CFAP54: variants seen among roughly 807,000 people sequenced by gnomAD.
CFAP54 encodes cilia- and flagella-associated protein 54.
CFAP54 carries 290 observed loss-of-function variants against 370.4 expected under a neutral mutation model. That is an observed-to-expected ratio of 0.78 (90% CI 0.71 to 0.86). CFAP54 has a LOEUF of 0.86. Ranked by LOEUF, CFAP54 falls within the 40% of genes least tolerant of loss-of-function variation. CFAP54 has a pLI of 0.00. For synonymous variants in CFAP54, 1,206 were observed against 1,236.5 expected (o/e 0.98, Z 0.52); for missense variants, 3,399 against 3,528.7 (o/e 0.96, Z 0.93).
chr12:96,827,007 T>TTATAATATGAAATTATATGTGATTATA lies in CFAP54; in HGVS notation c.9097-1998_9097-1997insAAATTATATGTGATTATATATAATATG, dbSNP rs1565993959. ...ATAATATGCAATTATATATGATTAATTATAATATGCAATTATATGTGATTA... is the reference window on the plus strand; with the variant it reads ...ATAATATGCAATTATATATGATTAATTATAATATGAAATTATATGTGATTATATATAATATGCAATTATATGTGATTA... On this transcript the variant is annotated intron_variant, in intron 65 of 67. Coordinates refer to ENST00000524981, the MANE Select transcript of CFAP54 (RefSeq NM_001306084.2). Among the ~76,000 whole-genome samples the TTATAATATGAAATTATATGTGATTATA allele has an allele frequency of 6.6e-4, 81 of 122,244 alleles. 3 individuals are homozygous for TTATAATATGAAATTATATGTGATTATA. Among genetic ancestry groups the TTATAATATGAAATTATATGTGATTATA allele is most frequent in the African/African-American group, 3.0e-3 (74 of 24,586 alleles). 80.2% of individuals were successfully genotyped at this position (122,244 alleles called of 152,430 possible). A position where few individuals can be genotyped will look rare whatever the true frequency, so the allele number is the denominator to read the frequency against.
At chr12:96,579,440 G>A (rs906342952) in intron 20 of CFAP54, among the ~76,000 whole-genome samples, 2 of 152,130 alleles carry the variant, frequency 1.3e-5, no homozygotes, top group Non-Finnish European at 2.9e-5. Context: ...AAGTAATTCT[G>A]GAGCACAGTC....
intron 19 of CFAP54, among the ~76,000 whole-genome samples, chr12:96,571,821 G>A (rs949234424): frequency 1.3e-5 from 2 of 152,076 alleles, no homozygotes; most frequent in Admixed American, 6.6e-5. Context: ...AATCTTATTA[G>A]CAGCTCAATG....
rs1415705920 is a variant in CFAP54 at position 96,663,911 on chromosome 12, C to T, written c.5542C>T (p.Leu1848=). The T allele has an allele frequency of 9.9e-6, 16 of 1,612,248 alleles. No individual in the cohort carries two copies. The highest frequency in any genetic ancestry group is 1.2e-5 in the Non-Finnish European group (14 of 1,178,970). Residue 1848 remains leucine (L), a synonymous_variant, in exon 39 of 68, where the codon CTA becomes TTA. Coordinates refer to ENST00000524981, the MANE Select transcript of CFAP54 (RefSeq NM_001306084.2). ...AGCAACAAGCAACTGCACAGATTTG[C>T]TAAAAATGCTTATCTCTTCAGGTCA... ...IEATSNCTDL[L]KMLISSEYSR...
At chr12:96,608,357 A>C (rs559563335) in intron 26 of CFAP54, among the ~76,000 whole-genome samples, 35 of 152,010 alleles carry the variant, frequency 2.3e-4, no homozygotes, top group African/African-American at 7.2e-4. Flanking sequence ...ATACATATAA[A>C]ATTATTTTTT....
intron 17 of CFAP54, among the ~76,000 whole-genome samples, 160 bp from the exon 18 acceptor site, chr12:96,564,308 C>T (rs1267519834): frequency 6.6e-6 from 1 of 152,120 alleles, no homozygotes; most frequent in Non-Finnish European, 1.5e-5. Flanking sequence ...TTTGATAAAA[C>T]TGCATTATAG....
At chr12:96,754,354 A>G (rs1958226323) in intron 56 of CFAP54, among the ~76,000 whole-genome samples, 1 of 152,174 alleles carries the variant, frequency 6.6e-6, no homozygotes, top group Non-Finnish European at 1.5e-5. Flanking sequence ...TATAACACCT[A>G]TTTCCTCAAG....
chr12:96,578,135 T>C (rs946554697), intron 20 of CFAP54, among the ~76,000 whole-genome samples: 1 of 152,218 alleles, frequency 6.6e-6, no homozygotes, highest in African/African-American at 2.4e-5. Flanking sequence ...TTCTGTCCAA[T>C]GAGCATTTAT....
intron 26 of CFAP54, among the ~76,000 whole-genome samples, chr12:96,621,208 G>A (rs1478903248): frequency 6.6e-6 from 1 of 152,162 alleles, no homozygotes; most frequent in Admixed American, 6.5e-5. Context: ...CCTATAGAAA[G>A]CAACTCAAGA....
chr12:96,490,656 CACTCCAGCCTGGGCGACAGAGCAAG>C (rs1954871452), intron 1 of CFAP54, among the ~76,000 whole-genome samples: 2 of 152,092 alleles, frequency 1.3e-5, no homozygotes, highest in Admixed American at 1.3e-4. Context: ...CGCGCCACTA[CACTCCAGCCTGGGCGACAGAGCAAG>C]ACTCCTTCTC....
intron 12 of CFAP54, among the ~76,000 whole-genome samples, chr12:96,537,665 G>T (rs1041582851): frequency 1.3e-5 from 2 of 152,118 alleles, no homozygotes; most frequent in East Asian, 1.9e-4. Flanking sequence ...TTTAATGCAA[G>T]AATTTTAAAA....
intron 4 of CFAP54, 24 bp from the exon 5 acceptor site, chr12:96,512,962 T>A (rs1480248823): frequency 4.1e-6 from 6 of 1,451,546 alleles, no homozygotes; most frequent in Non-Finnish European, 5.5e-6. Context: ...GTAAAACATG[T>A]TAACAATCGT....
intron 66 of CFAP54, among the ~76,000 whole-genome samples, chr12:96,844,132 C>A (rs570614302): frequency 1.3e-5 from 2 of 152,144 alleles, no homozygotes; most frequent in Non-Finnish European, 2.9e-5. Flanking sequence ...TGAACAATGG[C>A]GCTCCACAGT....
intron 25 of CFAP54, among the ~76,000 whole-genome samples, chr12:96,597,411 C>T (rs571571792): frequency 3.3e-5 from 5 of 151,740 alleles, no homozygotes; most frequent in African/African-American, 9.7e-5. Context: ...ATCTCAAAGC[C>T]GGCATCTTGA....
intron 66 of CFAP54, among the ~76,000 whole-genome samples, chr12:96,858,105 A>G (rs1334180691): frequency 6.6e-6 from 1 of 152,138 alleles, no homozygotes; most frequent in East Asian, 1.9e-4. Flanking sequence ...CAATGGTTGA[A>G]CTAAGTTACA....
chr12:96,656,680 C>T (rs1010830521), intron 36 of CFAP54, among the ~76,000 whole-genome samples: 2 of 152,158 alleles, frequency 1.3e-5, no homozygotes, highest in African/African-American at 2.4e-5. Context: ...CATGCCTGGC[C>T]CTCAGCTTCA....
intron 66 of CFAP54, among the ~76,000 whole-genome samples, chr12:96,857,695 G>A (rs1420627604): frequency 6.6e-6 from 1 of 152,178 alleles, no homozygotes; most frequent in Non-Finnish European, 1.5e-5. Context: ...TCTTGTGATA[G>A]TGAGTTCTCA....
At chr12:96,818,086 A>G (rs1331917193) in intron 65 of CFAP54, among the ~76,000 whole-genome samples, 173 bp downstream of exon 65, 1 of 152,208 alleles carries the variant, frequency 6.6e-6, no homozygotes, top group Non-Finnish European at 1.5e-5. Flanking sequence ...TGAAGGTCTG[A>G]AGGTCTTCTA....
chr12:96,581,408 A>T (rs975288451), intron 22 of CFAP54, among the ~76,000 whole-genome samples: 1 of 152,152 alleles, frequency 6.6e-6, no homozygotes, highest in Non-Finnish European at 1.5e-5. Flanking sequence ...CTGTTATCCT[A>T]TCATCCAGAG....
At chr12:96,727,004 C>T (rs1957849379) in intron 50 of CFAP54, among the ~76,000 whole-genome samples, 1 of 152,170 alleles carries the variant, frequency 6.6e-6, no homozygotes, top group East Asian at 1.9e-4. Flanking sequence ...GTTTCTTAAT[C>T]CTGAGTTCTA....
Sources: gnomAD v4.1 joint callset for allele counts (sites outside exome capture counted in the v4.1 genomes callset) on GRCh38, gnomAD v4.1.1 for gene constraint, MANE v1.5 for transcripts, NCBI Gene and HGNC (gene_info 2026-07-23, HGNC 2026-07-21) for gene names.